Variants in ADGRV1 observed in about 807,000 individuals in gnomAD.
ADGRV1 encodes G-protein coupled receptor 98.
A neutral mutation model predicts 596.2 loss-of-function variants in ADGRV1; 359 were observed. The ratio of observed to expected loss-of-function variants is 0.60; its 90% CI spans 0.55 to 0.66. The LOEUF is 0.66. Ranked by LOEUF, ADGRV1 falls within the 30% of genes least tolerant of loss-of-function variation. The pLI is 0.00. For missense variants in ADGRV1, 7,274 were observed against 7,575.6 expected (o/e 0.96, Z 1.48); for synonymous variants, 2,681 against 2,679.2 (o/e 1.00, Z -0.02).
At chr5:90,775,376 A>G (rs1758118282) in intron 60 of ADGRV1, among the ~76,000 whole-genome samples, 1 of 152,174 alleles carries the variant, frequency 6.6e-6, no homozygotes, top group Non-Finnish European at 1.5e-5. Flanking sequence ...TAACTCTTTC[A>G]TAAGTCTTTA....
At chr5:90,662,187 CTTTTTTTTT>C (rs5869513) in intron 21 of ADGRV1, among the ~76,000 whole-genome samples, 1 of 130,860 alleles carries the variant, frequency 7.6e-6, no homozygotes, top group South Asian at 2.4e-4. Context: ...GGTTAAACAA[CTTTTTTTTT>C]TTTTTTTTTT....
At chr5:90,599,823 A>T (rs1214738201) in intron 1 of ADGRV1, among the ~76,000 whole-genome samples, 1 of 152,182 alleles carries the variant, frequency 6.6e-6, no homozygotes, top group Non-Finnish European at 1.5e-5. Flanking sequence ...AAATGTTTGT[A>T]ATCCAGGCTT....
chr5:91,004,567 G>A (rs1317461991), intron 85 of ADGRV1, among the ~76,000 whole-genome samples: 1 of 149,190 alleles, frequency 6.7e-6, no homozygotes, highest in Non-Finnish European at 1.5e-5. Context: ...TACCAACATA[G>A]GAGAATGCTA....
chr5:91,013,681 T>G (rs1581789377), intron 85 of ADGRV1, among the ~76,000 whole-genome samples: 1 of 152,160 alleles, frequency 6.6e-6, no homozygotes, highest in Non-Finnish European at 1.5e-5. Flanking sequence ...GTTGATAGTT[T>G]CTTTTGCTGT....
chr5:90,625,320 T>G, intron 6 of ADGRV1, 77 bp downstream of exon 6: 1 of 857,508 alleles, frequency 1.2e-6, no homozygotes, highest in Non-Finnish European at 1.9e-6. Context: ...CTTAGTGTAT[T>G]GTGGCCAGTC....
Position 91,153,257 on chromosome 5 carries a change from G to T in ADGRV1, c.18661G>T (p.Gly6221Cys), listed in dbSNP as rs763535809. Residue 6221 changes from glycine to cysteine, a missense_variant, in exon 89 of 90, where the codon GGC becomes TGC. Around this residue, in one of 5 missense-constraint regions of ADGRV1, gnomAD observed 1,874 missense variants for 1,970.2 expected, o/e 0.95. Coordinates refer to ENST00000405460, the MANE Select transcript of ADGRV1 (RefSeq NM_032119.4). ...CTGGGAGAGAGCATCCTTCCAACAG[G>T]GCAGTCAGGCCAGCCCTGATTTAAA... ...PDWERASFQQ[G>C]SQASPDLKPS... 2 of 1,608,544 alleles carry T rather than the reference G, an allele frequency of 1.2e-6. No homozygotes were observed. Among genetic ancestry groups the T allele is most frequent in the Non-Finnish European group, 8.5e-7 (1 of 1,177,540 alleles).
intron 27 of ADGRV1, 121 bp downstream of exon 27, chr5:90,681,575 T>C: frequency 2.2e-6 from 2 of 918,316 alleles, no homozygotes; most frequent in Non-Finnish European, 3.1e-6. Flanking sequence ...ATGAGCCTAT[T>C]GGCACAGGCA....
chr5:90,860,926 C>T (rs1767492012), intron 82 of ADGRV1, among the ~76,000 whole-genome samples: 1 of 152,074 alleles, frequency 6.6e-6, no homozygotes, highest in African/African-American at 2.4e-5. Flanking sequence ...AAGTATCTCT[C>T]ATTCTTAAGT....
At chr5:91,051,174 T>A (rs1371317361) in intron 85 of ADGRV1, among the ~76,000 whole-genome samples, 2 of 152,188 alleles carry the variant, frequency 1.3e-5, no homozygotes, top group African/African-American at 4.8e-5. Flanking sequence ...ATGAATTTCA[T>A]CCCATAAACT....
intron 87 of ADGRV1, among the ~76,000 whole-genome samples, chr5:91,144,085 G>A (rs1282255449): frequency 6.6e-6 from 1 of 152,172 alleles, no homozygotes; most frequent in Non-Finnish European, 1.5e-5. Context: ...GCAGTGGGGG[G>A]CTTCCTGGGC....
At chr5:90,639,185 G>C (rs536961616) in intron 11 of ADGRV1, among the ~76,000 whole-genome samples, 2 of 151,724 alleles carry the variant, frequency 1.3e-5, no homozygotes, top group Non-Finnish European at 2.9e-5. Flanking sequence ...TATTTCATAC[G>C]ATGAAAAAAT....
intron 87 of ADGRV1, among the ~76,000 whole-genome samples, chr5:91,119,270 A>C (rs774722309): frequency 6.6e-6 from 1 of 152,214 alleles, no homozygotes; most frequent in Non-Finnish European, 1.5e-5. Context: ...TCCTAGTGGC[A>C]GTTAATACTG....
chr5:90,976,383 A>G (rs1779617962), intron 84 of ADGRV1, among the ~76,000 whole-genome samples: 1 of 145,798 alleles, frequency 6.9e-6, no homozygotes, highest in Non-Finnish European at 1.5e-5. Flanking sequence ...TAAGTTTACC[A>G]TGCATGGGTA....
At chr5:90,971,753 A>G (rs1779033523) in intron 84 of ADGRV1, among the ~76,000 whole-genome samples, 1 of 152,200 alleles carries the variant, frequency 6.6e-6, no homozygotes, top group African/African-American at 2.4e-5. Context: ...AAACATGACA[A>G]ATTGTAAAGA....
chr5:90,698,611 A>C (rs753886230), intron 34 of ADGRV1, among the ~76,000 whole-genome samples: 1 of 152,164 alleles, frequency 6.6e-6, no homozygotes, highest in Non-Finnish European at 1.5e-5. Flanking sequence ...GTGTGAGGGA[A>C]GGAAATTAGT....
At chr5:91,117,109 A>G (rs966824580) in intron 87 of ADGRV1, among the ~76,000 whole-genome samples, 14 of 152,172 alleles carry the variant, frequency 9.2e-5, no homozygotes, top group Non-Finnish European at 1.8e-4. Flanking sequence ...TCTAATATGT[A>G]AGCATTTGAG....
intron 81 of ADGRV1, among the ~76,000 whole-genome samples, chr5:90,854,818 T>C (rs1292424217): frequency 1.3e-5 from 2 of 152,188 alleles, no homozygotes; most frequent in Admixed American, 1.3e-4. Context: ...TGTTTATTAC[T>C]GAATTTCAGC....
At chr5:90,943,587 A>T (rs552035149) in intron 83 of ADGRV1, among the ~76,000 whole-genome samples, 1 of 152,222 alleles carries the variant, frequency 6.6e-6, no homozygotes, top group South Asian at 2.1e-4. Flanking sequence ...TCCTTGGGCT[A>T]ATGTAACAAA....
intron 85 of ADGRV1, among the ~76,000 whole-genome samples, chr5:91,070,697 G>A (rs186628484): frequency 7.9e-5 from 12 of 152,208 alleles, no homozygotes; most frequent in South Asian, 6.2e-4. Flanking sequence ...CCATTTTGCC[G>A]ATAATTTCAG....
Sources: gnomAD v4.1 joint callset for allele counts (sites outside exome capture counted in the v4.1 genomes callset) on GRCh38, gnomAD v4.1.1 for gene constraint, gnomAD v4.1.1 regional missense constraint, MANE v1.5 for transcripts, NCBI Gene and HGNC (gene_info 2026-07-23, HGNC 2026-07-21) for gene names.